Variants in TRAF1 observed in about 807,000 individuals in gnomAD.
The protein encoded by TRAF1 is TNF receptor-associated factor 1.
In TRAF1, 23 loss-of-function variants were observed where a neutral mutation model predicts 40.9. That is an observed-to-expected ratio of 0.56 (90% confidence interval 0.40 to 0.80). The LOEUF (loss-of-function observed/expected upper bound fraction) is 0.80. Ranked by LOEUF, TRAF1 falls within the 30% of genes least tolerant of loss-of-function variation. The pLI is 0.00. For missense variants in TRAF1, 477 were observed against 528.7 expected (o/e 0.90, Z 0.96); for synonymous variants, 206 against 218.8 (o/e 0.94, Z 0.52).
At chr9:120,915,825 C>A (rs941849840) in intron 3 of TRAF1, among the ~76,000 whole-genome samples, 1 of 151,982 alleles carries the variant, frequency 6.6e-6, no homozygotes, top group Middle Eastern at 3.4e-3. Context: ...CAGAGAAAGA[C>A]CTTGTCTCTC....
At position 120,926,186 on chromosome 9, in the gene TRAF1, G is replaced by A. The variant is rs2046639704; in HGVS notation, c.-111C>T. ...CTCTCTGGTGAGTAGGAGCTCTGAT[G>A]ACTTTATCTTCTTCTCTCTGGCTTG... On this transcript the variant is annotated 5_prime_UTR_variant, in exon 2 of 8. Transcript: ENST00000373887. The A allele has an allele frequency of 8.3e-7, 1 of 1,205,648 alleles. No individual in the cohort carries two copies. Among genetic ancestry groups the A allele is most frequent in the African/African-American group, 1.6e-5 (1 of 63,572 alleles). The allele number at this position is 1,205,648 out of a possible 1,614,324, so 74.7% of individuals were successfully genotyped here.
At chr9:120,908,254 T>G (rs188873406) in intron 7 of TRAF1, among the ~76,000 whole-genome samples, 1 of 152,176 alleles carries the variant, frequency 6.6e-6, no homozygotes, top group Non-Finnish European at 1.5e-5. Context: ...GTCCATTATG[T>G]AAAAGACAGG....
At position 120,911,376 on chromosome 9, in the gene TRAF1, A is replaced by C; in HGVS notation, c.843T>G (p.His281Gln). 6.2e-7 allele frequency: 1 copy of C among 1,613,624 alleles called. No individual in the cohort carries two copies. Among genetic ancestry groups the C allele is most frequent in the African/African-American group, 1.3e-5 (1 of 75,052 alleles). Reference sequence around the variant, plus strand: ...TGACGGTCCTGCCACAGGCCGACTCATGGCACCGCCTGGTGACATTGGTGA... The same window carrying C: ...TGACGGTCCTGCCACAGGCCGACTCCTGGCACCGCCTGGTGACATTGGTGA... ...WKITNVTRRC[H>Q]ESACGRTVSL... The change falls in exon 6 of 8, where the codon CAT (histidine) becomes CAG (glutamine). Residue 281 changes from histidine to glutamine, a missense_variant. Coordinates refer to ENST00000373887, the MANE Select transcript of TRAF1 (RefSeq NM_005658.5).
rs376212075 is a variant in TRAF1 at position 120,914,336 on chromosome 9, G to C, written c.229-36C>G. Reference sequence around the variant, plus strand: ...TAATCACATCACTGAATGTTATAGCGATCCCTGTGGCTACCCTGGGGCTCT... The same window carrying C: ...TAATCACATCACTGAATGTTATAGCCATCCCTGTGGCTACCCTGGGGCTCT... On this transcript the variant is annotated intron_variant, in intron 3 of 7. Transcript: ENST00000373887. 6 of 1,419,718 alleles carry C rather than the reference G, an allele frequency of 4.2e-6. No individual in the cohort carries two copies. The Admixed American group carries it at 1.4e-4, about 33-fold the overall frequency. The allele number at this position is 1,419,718 out of a possible 1,614,324, so 87.9% of individuals were successfully genotyped here.
At chr9:120,912,682 A>G (rs2046537302) in intron 5 of TRAF1, among the ~76,000 whole-genome samples, 1 of 151,798 alleles carries the variant, frequency 6.6e-6, no homozygotes, top group African/African-American at 2.4e-5. Context: ...GAAAGAAAGA[A>G]AAGAAAAGTA....
chr9:120,913,239 A>G, intron 5 of TRAF1, 89 bp downstream of exon 5: 1 of 1,449,636 alleles, frequency 6.9e-7, no homozygotes, highest in Non-Finnish European at 9.2e-7. Context: ...TGTAAGCAGG[A>G]TGAATGATTA....
intron 6 of TRAF1, 101 bp from the exon 7 acceptor site, chr9:120,909,479 C>A (rs999112477): frequency 3.5e-5 from 49 of 1,408,826 alleles, no homozygotes; most frequent in Middle Eastern, 2.1e-4. Context: ...GGCTCAAAAC[C>A]ATGAAAGATG....
chr9:120,913,911 C>T (rs1218599601), intron 4 of TRAF1, among the ~76,000 whole-genome samples, 173 bp from the exon 5 acceptor site: 1 of 152,156 alleles, frequency 6.6e-6, no homozygotes, highest in Non-Finnish European at 1.5e-5. Context: ...CAGACATGCC[C>T]ACGATGAGCC....
intron 2 of TRAF1, among the ~76,000 whole-genome samples, chr9:120,925,716 G>C (rs2046634765): frequency 1.3e-5 from 2 of 152,230 alleles, no homozygotes; most frequent in African/African-American, 4.8e-5. Context: ...GGTGTGGATG[G>C]CTTTCCCCTG....
rs145987612 is a variant in TRAF1, at chr9:120,921,034, C to G, written c.228+2671G>C. Among the ~76,000 whole-genome samples, 791 of 152,240 alleles carry G rather than the reference C, an allele frequency of 5.2e-3. 2 individuals are homozygous for G. Among genetic ancestry groups the G allele is most frequent in the African/African-American group, 0.018 (749 of 41,536 alleles). On this transcript the variant is annotated intron_variant, in intron 3 of 7. Coordinates refer to ENST00000373887, the MANE Select transcript of TRAF1 (RefSeq NM_005658.5). Reference sequence around the variant, plus strand: ...TCAGACCATGACTTACCGCCCCTCCCCACCCCAGCTTTTCACCAGAAGTCC... The same window carrying G: ...TCAGACCATGACTTACCGCCCCTCCGCACCCCAGCTTTTCACCAGAAGTCC...
rs778858231 is a variant in TRAF1 at position 120,926,031 on chromosome 9, C to G, written c.45G>C (p.Glu15Asp). The G allele has an allele frequency of 1.9e-6, 3 of 1,612,022 alleles. No individual in the cohort carries two copies. Among genetic ancestry groups the G allele is most frequent in the Middle Eastern group, 1.7e-4 (1 of 6,036 alleles). The change falls in exon 2 of 8, where the codon GAG becomes GAC. Residue 15 changes from glutamate (E) to aspartate (D), a missense_variant. Physicochemically the swap from Glu to Asp is conservative, Grantham distance 45 (BLOSUM62 2). Transcript: ENST00000373887. ...SGSSPRPAPDENEFPFGCPPT... is the reference protein window; with the variant it reads ...SGSSPRPAPDDNEFPFGCPPT... ...GAGGGCACCCAAAGGGAAACTCATT[C>G]TCATCAGGGGCCGGGCGAGGACTGC...
chr9:120,909,250 G>T lies in TRAF1; in HGVS notation c.1012C>A (p.Pro338Thr), dbSNP rs941715413. The change falls in exon 7 of 8, where the codon CCG becomes ACG. Residue 338 changes from proline (P) to threonine (T), a missense_variant. By Grantham distance (38) the Pro-to-Thr change is conservative. Coordinates refer to ENST00000373887, the MANE Select transcript of TRAF1 (RefSeq NM_005658.5). ...CATACCTTGTTCCGGAAGGGCCACGGCAGCAGCGCATCATACTCCCCTCTC... is the reference window on the plus strand; with the variant it reads ...CATACCTTGTTCCGGAAGGGCCACGTCAGCAGCGCATCATACTCCCCTCTC... ...IMRGEYDALL[P>T]WPFRNKVTFM... 1.9e-6 allele frequency: 3 copies of T among 1,613,914 alleles called. No individual in the cohort carries two copies. In the African/African-American group the frequency reaches 4.0e-5, roughly 22 times the overall value.
At chr9:120,911,710 C>A (rs960954464) in intron 5 of TRAF1, among the ~76,000 whole-genome samples, 197 bp from the exon 6 acceptor site, 1 of 152,230 alleles carries the variant, frequency 6.6e-6, no homozygotes, top group Non-Finnish European at 1.5e-5. Flanking sequence ...GCTCATATGG[C>A]CCCTCATCTG....
Position 120,909,324 on chromosome 9 carries a change from C to T in TRAF1, c.938G>A (p.Gly313Glu). The T allele has an allele frequency of 6.2e-7, 1 of 1,614,188 alleles. No individual in the cohort carries two copies. Residue 313 changes from glycine to glutamate, a missense_variant, in exon 7 of 8, where the codon GGA (glycine) becomes GAA (glutamate). Physicochemically the swap from Gly to Glu is moderately conservative, Grantham distance 98. Transcript: ENST00000373887. ...YKLCLRLYLNGDGTGKRTHLS... is the reference protein window; with the variant it reads ...YKLCLRLYLNEDGTGKRTHLS... The stretch of plus-strand genomic sequence containing the variant: ...ATGGGTTCTCTTTCCAGTGCCATCT[C>T]CATTCAGGTACAGCCGCAGGCACAA...
chr9:120,923,706 T>G lies in TRAF1; in HGVS notation c.227A>C (p.Lys76Thr). The change falls in exon 3 of 8, where the codon AAG becomes ACG. Residue 76 changes from lysine to threonine, a missense_variant and splice_region_variant. Coordinates refer to ENST00000373887, the MANE Select transcript of TRAF1 (RefSeq NM_005658.5). ...SPGSRLRTQEKAHPEVAEAGI... is the reference protein window; with the variant it reads ...SPGSRLRTQETAHPEVAEAGI... ...CCTTTCTGTGATGTGCCAACGTACC[T>G]TCTCCTGAGTTCGAAGACGGCTTCC... 1 of 1,614,134 alleles carries G rather than the reference T, an allele frequency of 6.2e-7. No homozygotes were observed. Among genetic ancestry groups the G allele is most frequent in the Non-Finnish European group, 8.5e-7 (1 of 1,179,980 alleles).
intron 4 of TRAF1, among the ~76,000 whole-genome samples, 155 bp from the exon 5 acceptor site, chr9:120,913,893 C>T (rs1208989573): frequency 2.6e-5 from 4 of 152,128 alleles, no homozygotes; most frequent in African/African-American, 9.7e-5. Context: ...AGAGGAAGAC[C>T]CTGGCATCAG....
chr9:120,906,280 A>G (rs1326672741), intron 7 of TRAF1, among the ~76,000 whole-genome samples: 1 of 150,874 alleles, frequency 6.6e-6, no homozygotes, highest in African/African-American at 2.4e-5. Context: ...CCTGGGTTCA[A>G]GCGATTCTCC....
intron 7 of TRAF1, among the ~76,000 whole-genome samples, chr9:120,906,425 C>T (rs1194428187): frequency 4.6e-5 from 7 of 152,106 alleles, no homozygotes; most frequent in Admixed American, 2.6e-4. Flanking sequence ...GTGATCCACC[C>T]ACCTCGGCCT....
At chr9:120,909,633 G>T (rs1358288983) in intron 6 of TRAF1, among the ~76,000 whole-genome samples, 1 of 152,208 alleles carries the variant, frequency 6.6e-6, no homozygotes, top group Non-Finnish European at 1.5e-5. Context: ...CAGTGACCCT[G>T]GGGTGAGAAC....
Sources: gnomAD v4.1 joint callset for allele counts (sites outside exome capture counted in the v4.1 genomes callset) on GRCh38, gnomAD v4.1.1 for gene constraint, MANE v1.5 for transcripts, NCBI Gene and HGNC (gene_info 2026-07-23, HGNC 2026-07-21) for gene names.